The following G6PC1 variants were observed in gnomAD, a reference collection of about 807,000 sequenced individuals.
G6PC1 encodes glucose-6-phosphatase catalytic subunit 1, also known as G-6-Pase.
A neutral mutation model predicts 30.4 loss-of-function variants in G6PC1; 23 were observed. That is an observed-to-expected ratio of 0.76 (90% CI 0.55 to 1.07). The LOEUF (loss-of-function observed/expected upper bound fraction) is 1.07, where lower values mean the gene tolerates loss of function less well. Ranked by LOEUF, G6PC1 falls within the 50% of genes least tolerant of loss-of-function variation. The pLI is 0.00. For missense variants in G6PC1, 391 were observed against 433.9 expected, an observed-to-expected ratio of 0.90 and a Z score of 0.88; for synonymous variants, 163 against 175.6, an observed-to-expected ratio of 0.93 and a Z score of 0.57.
chr17:42,909,677 C>CT (rs929473891), intron 4 of G6PC1, among the ~76,000 whole-genome samples: 1 of 152,150 alleles, frequency 6.6e-6, no homozygotes, highest in Non-Finnish European at 1.5e-5. Context: ...AATCTCAGAG[C>CT]TTTTTACAAT....
intron 2 of G6PC1, among the ~76,000 whole-genome samples, chr17:42,905,915 G>A (rs564300823): frequency 3.3e-5 from 5 of 151,840 alleles, no homozygotes; most frequent in Non-Finnish European, 5.9e-5. Flanking sequence ...GCATGGTGGC[G>A]GGCGCCTGTA....
Position 42,909,289 on chromosome 17 carries a change from C to T in G6PC1, c.447-14C>T, listed in dbSNP as rs757572132. On this transcript the variant is annotated splice_polypyrimidine_tract_variant and intron_variant, in intron 3 of 4. Coordinates refer to ENST00000253801, the MANE Select transcript of G6PC1 (RefSeq NM_000151.4). ...TGCACCTGTGTTCTGTTATGGTTGC[C>T]TCTTCTGTTGCAGGTGCTTGAATGT... 2.5e-6 allele frequency: 4 copies of T among 1,585,958 alleles called. No homozygotes were observed. Among genetic ancestry groups the T allele is most frequent in the Non-Finnish European group, 2.6e-6 (3 of 1,154,376 alleles).
At position 42,911,198 on chromosome 17, in the gene G6PC1, G is replaced by A. The variant is rs374980545; in HGVS notation, c.846G>A (p.Glu282=). The change falls in exon 5 of 5, where the codon GAG becomes GAA. Residue 282 remains glutamate (E), a synonymous_variant. Transcript: ENST00000253801. ...GLALNSSMYR[E]SCKGKLSKWL... is the part of the protein sequence containing the mutation. ...CTCTCAACTCCAGCATGTACAGGGAGAGCTGCAAGGGGAAACTCAGCAAGT... is the reference window on the plus strand; with the variant it reads ...CTCTCAACTCCAGCATGTACAGGGAAAGCTGCAAGGGGAAACTCAGCAAGT... 12 of 1,614,052 alleles carry A rather than the reference G, an allele frequency of 7.4e-6. No individual in the cohort carries two copies. In the African/African-American group the frequency reaches 1.3e-4, roughly 18 times the overall value.
chr17:42,900,909 TG>T lies in G6PC1; in HGVS notation c.36del (p.Ile13SerfsTer9). On this transcript the variant is annotated frameshift_variant, in exon 1 of 5. Transcript: ENST00000253801. LOFTEE classifies it high-confidence loss of function. ...AAGGAATGAATGTTCTCCATGACTT[TG>T]GGATCCAGTCAACACATTACCTCCA... ...EEGMNVLHDF[G>X]IQSTHYLQVN... 6.2e-7 allele frequency: 1 copy of T among 1,614,142 alleles called. No homozygotes were observed. Among genetic ancestry groups the T allele is most frequent in the African/African-American group, 1.3e-5 (1 of 75,030 alleles).
At chr17:42,910,055 G>A (rs2056085995) in intron 4 of G6PC1, among the ~76,000 whole-genome samples, 1 of 151,938 alleles carries the variant, frequency 6.6e-6, no homozygotes. Context: ...AGCAGAGACG[G>A]GGTTTCACCG....
In G6PC1 at chr17:42,912,015, C is replaced by T. The variant is rs1462023370; in HGVS notation, c.*589C>T. On this transcript the variant is annotated 3_prime_UTR_variant, in exon 5 of 5. Transcript: ENST00000253801. The stretch of plus-strand genomic sequence containing the variant: ...GGAGATCCTAACTGAGAATTTTCTA[C>T]CTGTGTTCATTCTTACCGAGAAAAG... The T allele has an allele frequency of 6.4e-6, 1 of 157,278 alleles. No individual in the cohort carries two copies. The highest frequency in any genetic ancestry group is 1.4e-5 in the Non-Finnish European group (1 of 71,198). The allele number at this position is 157,278 out of a possible 1,614,324, so 9.7% of individuals were successfully genotyped here.
intron 3 of G6PC1, 92 bp from the exon 4 acceptor site, chr17:42,909,211 A>T: frequency 4.2e-6 from 4 of 958,054 alleles, no homozygotes; most frequent in Non-Finnish European, 6.9e-6. Context: ...AGAGCACCTA[A>T]GTTTGCCAGG....
intron 4 of G6PC1, among the ~76,000 whole-genome samples, chr17:42,910,485 A>G (rs945743664): frequency 1.3e-5 from 2 of 152,234 alleles, no homozygotes; most frequent in Non-Finnish European, 2.9e-5. Flanking sequence ...GAGGGACTAG[A>G]TTCATCACTT....
At position 42,912,638 on chromosome 17, in the gene G6PC1, CT is replaced by C. The variant is rs397735497; in HGVS notation, c.*1227del. The C allele has an allele frequency of 1.1e-3, 159 of 139,526 alleles. No individual in the cohort carries two copies. Among genetic ancestry groups the C allele is most frequent in the Middle Eastern group, 3.7e-3 (1 of 272 alleles). 8.6% of individuals were successfully genotyped at this position (139,526 alleles called of 1,614,324 possible). On this transcript the variant is annotated 3_prime_UTR_variant, in exon 5 of 5. Transcript: ENST00000253801. The stretch of plus-strand genomic sequence containing the variant: ...TAAAGGAAAAGTCAACATCTTCTCT[CT>C]TTTTTTTTTTTTTTGAGACAGGGTC...
intron 1 of G6PC1, among the ~76,000 whole-genome samples, chr17:42,902,279 C>T (rs1567703152): frequency 6.6e-6 from 1 of 152,114 alleles, no homozygotes; most frequent in African/African-American, 2.4e-5. Flanking sequence ...GATGGAGTCT[C>T]GCACTGTTGC....
chr17:42,913,998 A>G lies in G6PC1; in HGVS notation c.*2572A>G. Reference sequence around the variant, plus strand: ...AACTCCGGAGTCTGTATATTCAGGGAAGATTGCATTCTCCTACTGGATTTG... The same window carrying G: ...AACTCCGGAGTCTGTATATTCAGGGGAGATTGCATTCTCCTACTGGATTTG... On this transcript the variant is annotated 3_prime_UTR_variant, in exon 5 of 5. Coordinates refer to ENST00000253801, the MANE Select transcript of G6PC1 (RefSeq NM_000151.4). Among the ~76,000 whole-genome samples the G allele has an allele frequency of 6.6e-6, 1 of 152,156 alleles. No homozygotes were observed. Among genetic ancestry groups the G allele is most frequent in the East Asian group, 1.9e-4 (1 of 5,204 alleles).
chr17:42,904,689 A>G (rs1020355605), intron 2 of G6PC1, among the ~76,000 whole-genome samples: 1 of 152,144 alleles, frequency 6.6e-6, no homozygotes, highest in Non-Finnish European at 1.5e-5. Context: ...CCAAGCACCT[A>G]CTGGGAGCTA....
chr17:42,901,484 G>A (rs983856447), intron 1 of G6PC1, among the ~76,000 whole-genome samples: 11 of 152,082 alleles, frequency 7.2e-5, no homozygotes, highest in African/African-American at 2.4e-4. Flanking sequence ...TTGGGAGGCC[G>A]AGGTGGGCGA....
rs2056069622 is a variant in G6PC1 at position 42,907,565 on chromosome 17, A to G, written c.383A>G (p.Tyr128Cys). 3 of 1,614,008 alleles carry G rather than the reference A, an allele frequency of 1.9e-6. No individual in the cohort carries two copies. The highest frequency in any genetic ancestry group is 1.7e-5 in the Admixed American group (1 of 60,020). ...GCCATGGGCACAGCAGGTGTATACTACGTGATGGTCACATCTACTCTTTCC... is the reference window on the plus strand; with the variant it reads ...GCCATGGGCACAGCAGGTGTATACTGCGTGATGGTCACATCTACTCTTTCC... ...GHAMGTAGVYYVMVTSTLSIF... is the reference protein window; with the variant it reads ...GHAMGTAGVYCVMVTSTLSIF... The change falls in exon 3 of 5, where the codon TAC (tyrosine) becomes TGC (cysteine). Residue 128 changes from tyrosine (Y) to cysteine (C), a missense_variant. Physicochemically the swap from Tyr to Cys is radical, Grantham distance 194. Transcript: ENST00000253801.
At position 42,909,356 on chromosome 17, in the gene G6PC1, G is replaced by A. The variant is rs777552825; in HGVS notation, c.500G>A (p.Cys167Tyr). ...LGFWAVQLNV[C>Y]LSRIYLAAHF... Reference sequence around the variant, plus strand: ...TTCTGGGCTGTGCAGCTGAATGTCTGTCTGTCACGAATCTACCTTGCTGCT... The same window carrying A: ...TTCTGGGCTGTGCAGCTGAATGTCTATCTGTCACGAATCTACCTTGCTGCT... Residue 167 changes from cysteine (C) to tyrosine (Y), a missense_variant, in exon 4 of 5, where the codon TGT becomes TAT. By Grantham distance (194) the Cys-to-Tyr change is radical. Transcript: ENST00000253801. 2 of 1,614,150 alleles carry A rather than the reference G, an allele frequency of 1.2e-6. No individual in the cohort carries two copies. The highest frequency in any genetic ancestry group is 1.7e-5 in the Admixed American group (1 of 60,006).
At chr17:42,909,254 C>A in intron 3 of G6PC1, 49 bp from the exon 4 acceptor site, 2 of 1,363,394 alleles carry the variant, frequency 1.5e-6, no homozygotes, top group Non-Finnish European at 2.1e-6. Flanking sequence ...GTTTTCTTTG[C>A]TGAAGGATCT....
At chr17:42,910,130 G>A (rs2056086565) in intron 4 of G6PC1, among the ~76,000 whole-genome samples, 1 of 152,012 alleles carries the variant, frequency 6.6e-6, no homozygotes, top group Admixed American at 6.6e-5. Flanking sequence ...GGATTACAAG[G>A]GTGAGCCACC....
rs1347188614 is a variant in G6PC1, at chr17:42,911,627, CTCTT to C, written c.*204_*207del. 2.8e-6 allele frequency: 2 copies of C among 702,388 alleles called. No individual in the cohort carries two copies. Among genetic ancestry groups the C allele is most frequent in the Non-Finnish European group, 4.8e-6 (2 of 419,780 alleles). 43.5% of individuals were successfully genotyped at this position (702,388 alleles called of 1,614,324 possible). On this transcript the variant is annotated 3_prime_UTR_variant, in exon 5 of 5. Transcript: ENST00000253801. ...GACTCCAGCCTGCCCTCAGCACAGA[CTCTT>C]TCAGATGGAGGTGCCATATCACGTA...
intron 2 of G6PC1, among the ~76,000 whole-genome samples, chr17:42,905,761 G>A (rs886148358): frequency 1.2e-4 from 19 of 152,156 alleles, no homozygotes; most frequent in African/African-American, 4.6e-4. Flanking sequence ...TCAGAAAGTA[G>A]GCCGGGCGCG....
Sources: gnomAD v4.1 joint callset for allele counts (sites outside exome capture counted in the v4.1 genomes callset) on GRCh38, gnomAD v4.1.1 for gene constraint, MANE v1.5 for transcripts, NCBI Gene and HGNC (gene_info 2026-07-23, HGNC 2026-07-21) for gene names.